The following PPARD variants were observed in gnomAD, a reference collection of about 807,000 sequenced individuals.
The protein encoded by PPARD is peroxisome proliferator-activated receptor delta.
A neutral mutation model predicts 39.5 loss-of-function variants in PPARD; 6 were observed. The observed-to-expected ratio is 0.15, with a 90% CI of 0.08 to 0.30. The LOEUF is 0.30. PPARD is among the 10% of genes least tolerant of loss of function. PPARD has a pLI of 1.00. For synonymous variants in PPARD, 210 were observed against 231.3 expected (o/e 0.91, Z 0.83); for missense variants, 397 against 596.8 (o/e 0.67, Z 3.49).
Position 35,420,263 on chromosome 6 carries a change from T to C in PPARD, c.267T>C (p.His89=), listed in dbSNP as rs753253010. The change falls in exon 4 of 8, where the codon CAT becomes CAC. Residue 89 remains histidine, a synonymous_variant. Coordinates refer to ENST00000360694, the MANE Select transcript of PPARD (RefSeq NM_006238.5). ...DKASGFHYGV[H]ACEGCKGFFR... ...CATCGGGCTTCCACTACGGTGTTCA[T>C]GCATGTGAGGGGTGCAAGGTACGGA... is the stretch of plus-strand genomic sequence containing the variant. The C allele has an allele frequency of 5.7e-6, 9 of 1,587,990 alleles. No homozygotes were observed. Among genetic ancestry groups the C allele is most frequent in the Non-Finnish European group, 6.9e-6 (8 of 1,166,538 alleles).
chr6:35,405,593 C>T (rs1764992849), intron 2 of PPARD, among the ~76,000 whole-genome samples: 2 of 149,620 alleles, frequency 1.3e-5, no homozygotes, highest in Admixed American at 1.3e-4. Context: ...GGGTTTTTTG[C>T]CGGCATACAA....
At chr6:35,343,728 C>T (rs1337885368) in intron 1 of PPARD, among the ~76,000 whole-genome samples, 4 of 152,200 alleles carry the variant, frequency 2.6e-5, no homozygotes, top group African/African-American at 9.7e-5. Flanking sequence ...GGGGAGACGG[C>T]GCTGAGCTGG....
intron 2 of PPARD, among the ~76,000 whole-genome samples, chr6:35,349,175 G>A (rs1056531991): frequency 6.6e-6 from 1 of 151,670 alleles, no homozygotes; most frequent in Non-Finnish European, 1.5e-5. Context: ...ACAGGCGCCC[G>A]CCACCACGCC....
chr6:35,385,646 TAAAAAA>T (rs66948740), intron 2 of PPARD, among the ~76,000 whole-genome samples: 9 of 96,562 alleles, frequency 9.3e-5, no homozygotes, highest in East Asian at 7.6e-4. Context: ...TAAATAAATT[TAAAAAA>T]AAAAAAAAAA....
chr6:35,377,803 C>T (rs571862565), intron 2 of PPARD, among the ~76,000 whole-genome samples: 1 of 151,832 alleles, frequency 6.6e-6, no homozygotes, highest in East Asian at 1.9e-4. Flanking sequence ...GCAGCCTTTA[C>T]TCCTTCAGAG....
chr6:35,405,219 G>A (rs955475780), intron 2 of PPARD, among the ~76,000 whole-genome samples: 5 of 151,696 alleles, frequency 3.3e-5, no homozygotes, highest in Admixed American at 1.3e-4. Flanking sequence ...CACCACACCC[G>A]GATAACCAGG....
intron 3 of PPARD, 97 bp from the exon 4 acceptor site, chr6:35,420,030 T>C: frequency 4.2e-6 from 6 of 1,423,592 alleles, no homozygotes; most frequent in Non-Finnish European, 5.7e-6. Flanking sequence ...GCCACACAGC[T>C]GTTAAGTGGC....
In PPARD at chr6:35,427,650, C is replaced by G. The variant is rs904514042; in HGVS notation, c.*1571C>G. On this transcript the variant is annotated 3_prime_UTR_variant, in exon 8 of 8. Coordinates refer to ENST00000360694, the MANE Select transcript of PPARD (RefSeq NM_006238.5). Reference sequence around the variant, plus strand: ...ACCTCAGAGCAGGGCCAAAGCACAGCTGGGCATGCCATGTCTGAGCGGCGC... The same window carrying G: ...ACCTCAGAGCAGGGCCAAAGCACAGGTGGGCATGCCATGTCTGAGCGGCGC... 6.6e-6 allele frequency: 1 copy of G among 152,438 alleles called. No individual in the cohort carries two copies. Among genetic ancestry groups the G allele is most frequent in the Admixed American group, 6.5e-5 (1 of 15,288 alleles). 9.4% of individuals were successfully genotyped at this position (152,438 alleles called of 1,614,324 possible).
Position 35,347,061 on chromosome 6 carries a change from C to T in PPARD, c.-185-6C>T. 4 of 1,521,420 alleles carry T rather than the reference C, an allele frequency of 2.6e-6. No homozygotes were observed. Among genetic ancestry groups the T allele is most frequent in the Non-Finnish European group, 3.5e-6 (4 of 1,135,440 alleles). The allele number at this position is 1,521,420 out of a possible 1,614,324, so 94.2% of individuals were successfully genotyped here. A position where few individuals can be genotyped will look rare whatever the true frequency, so the allele number is the denominator to read the frequency against. ...TAAAGCTGTTGGGGTTTTTTCTATC[C>T]TGCAGTGTTGTACAGTGTTTTGGGC... On this transcript the variant is annotated splice_region_variant and splice_polypyrimidine_tract_variant and intron_variant, in intron 1 of 7. Coordinates refer to ENST00000360694, the MANE Select transcript of PPARD (RefSeq NM_006238.5).
chr6:35,397,448 A>C, intron 2 of PPARD: 4 of 803,242 alleles, frequency 5.0e-6, no homozygotes, highest in Non-Finnish European at 6.0e-6. Context: ...TTCGCTCTCC[A>C]CCACATTTCT....
At chr6:35,403,948 C>T (rs1394506084) in intron 2 of PPARD, among the ~76,000 whole-genome samples, 1 of 152,160 alleles carries the variant, frequency 6.6e-6, no homozygotes, top group African/African-American at 2.4e-5. Flanking sequence ...GAGGCAGGGA[C>T]GAGAGCCTGT....
intron 3 of PPARD, 51 bp downstream of exon 3, chr6:35,411,268 G>A: frequency 7.2e-7 from 1 of 1,395,258 alleles, no homozygotes; most frequent in Middle Eastern, 2.3e-4. Flanking sequence ...ACAGCCCAGT[G>A]CAGTGGGGAT....
chr6:35,373,116 C>T (rs912128959), intron 2 of PPARD, among the ~76,000 whole-genome samples: 4 of 152,096 alleles, frequency 2.6e-5, no homozygotes, highest in African/African-American at 7.2e-5. Flanking sequence ...CAGCTAGTTC[C>T]CTGGAGCCCT....
intron 4 of PPARD, among the ~76,000 whole-genome samples, chr6:35,421,315 T>TTTTG (rs762892657): frequency 4.6e-4 from 36 of 77,886 alleles, no homozygotes; most frequent in African/African-American, 6.7e-4. Flanking sequence ...TTGTGTTTTT[T>TTTTG]TTTTGTTTTG....
At chr6:35,345,496 C>T (rs901212008) in intron 1 of PPARD, among the ~76,000 whole-genome samples, 4 of 152,106 alleles carry the variant, frequency 2.6e-5, no homozygotes, top group Admixed American at 6.6e-5. Context: ...CACAATGTCT[C>T]GAACTCCTGG....
chr6:35,373,111 A>G (rs1342965820), intron 2 of PPARD, among the ~76,000 whole-genome samples: 1 of 152,134 alleles, frequency 6.6e-6, no homozygotes, highest in African/African-American at 2.4e-5. Flanking sequence ...TGGCCCAGCT[A>G]GTTCCCTGGA....
rs1402870433 is a variant in PPARD, at chr6:35,384,005, C to T, written c.-101-26982C>T. ...GAGGGAGGTGGGGGGGTCAGCCCCA[C>T]GCCCCGCCAGCCGCCCCGTCAGGGA... On this transcript the variant is annotated intron_variant, in intron 2 of 7. Transcript: ENST00000360694. Among the ~76,000 whole-genome samples, 5 of 145,308 alleles carry T rather than the reference C, an allele frequency of 3.4e-5. 1 individual carries two copies. The highest frequency in any genetic ancestry group is 1.1e-4 in the African/African-American group (4 of 36,232).
chr6:35,348,358 T>C, intron 2 of PPARD: 1 of 985,398 alleles, frequency 1.0e-6, no homozygotes, highest in Non-Finnish European at 1.2e-6. Flanking sequence ...CTTCCATCTC[T>C]GCAGGGGTAG....
intron 2 of PPARD, among the ~76,000 whole-genome samples, chr6:35,402,041 C>T (rs1764723516): frequency 6.6e-6 from 1 of 152,154 alleles, no homozygotes; most frequent in African/African-American, 2.4e-5. Flanking sequence ...GGGACCTGAG[C>T]AGGCCTTTCC....
Sources: gnomAD v4.1 joint callset for allele counts (sites outside exome capture counted in the v4.1 genomes callset) on GRCh38, gnomAD v4.1.1 for gene constraint, MANE v1.5 for transcripts, NCBI Gene and HGNC (gene_info 2026-07-23, HGNC 2026-07-21) for gene names.